The following FAM9B variants were observed in gnomAD, a reference collection of about 807,000 sequenced individuals.
FAM9B encodes protein FAM9B.
FAM9B carries 18 observed loss-of-function variants against 16.6 expected under a neutral mutation model. That is an observed-to-expected ratio of 1.09 (90% CI 0.75 to 1.61). The LOEUF (loss-of-function observed/expected upper bound fraction) is 1.61. FAM9B is among the 40% of genes most tolerant of loss of function. The pLI is 0.00. For missense variants in FAM9B, 155 were observed against 136.0 expected, an observed-to-expected ratio of 1.14 and a Z score of -0.70; for synonymous variants, 43 against 42.6, an observed-to-expected ratio of 1.01 and a Z score of -0.03.
At chrX:9,027,005 G>T (rs1005670166) in intron 7 of FAM9B, among the ~76,000 whole-genome samples, 5 of 111,474 alleles carry the variant, frequency 4.5e-5, no homozygotes, top group Admixed American at 2.9e-4. Context: ...CTTTTCCAAG[G>T]TTATTAAAAA....
chrX:9,026,514 GA>G (rs1224590134), intron 7 of FAM9B, among the ~76,000 whole-genome samples: 1 of 111,258 alleles, frequency 9.0e-6, no homozygotes, highest in Non-Finnish European at 1.9e-5. Context: ...TTTAGGAAGG[GA>G]AGGGTTTTAG....
rs767023855 is a variant in FAM9B, at chrX:9,029,432, T to A, written c.282-14A>T. On this transcript the variant is annotated splice_polypyrimidine_tract_variant and intron_variant, in intron 5 of 8. Transcript: ENST00000327220. ...TCACGTTTCTGCCTGTAACACATAA[T>A]AAGTAACACGGTCATACGTCATAGA... The A allele has an allele frequency of 4.6e-5, 50 of 1,087,239 alleles. No homozygotes were observed. Among genetic ancestry groups the A allele is most frequent in the Non-Finnish European group, 6.2e-5 (49 of 785,602 alleles). The allele number at this position is 1,087,239 out of a possible 1,213,427, so 89.6% of individuals were successfully genotyped here.
intron 6 of FAM9B, 142 bp from the exon 7 acceptor site, chrX:9,028,108 T>G: frequency 2.3e-6 from 1 of 442,468 alleles, no homozygotes; most frequent in Admixed American, 3.9e-5. Context: ...AGGACCAATT[T>G]TAAACAATTG....
At chrX:9,026,225 T>C (rs776665538) in intron 7 of FAM9B, among the ~76,000 whole-genome samples, 1 of 112,218 alleles carries the variant, frequency 8.9e-6, no homozygotes, top group South Asian at 3.7e-4. Flanking sequence ...CTCGGGCATG[T>C]AGCCAAAAAT....
chrX:9,032,532 T>G, intron 2 of FAM9B, 71 bp from the exon 3 acceptor site: 6 of 616,702 alleles, frequency 9.7e-6, no homozygotes, highest in Non-Finnish European at 1.4e-5. Flanking sequence ...TGTGGAGAAA[T>G]GTACTAGTTG....
At chrX:9,033,362 CT>C in intron 1 of FAM9B, 1 of 1,010,609 alleles carries the variant, frequency 9.9e-7, no homozygotes, top group Non-Finnish European at 1.3e-6. Flanking sequence ...TCTGAGTCAC[CT>C]AGCGACCCCA....
chrX:9,030,093 A>T (rs1443081927), intron 5 of FAM9B, 168 bp downstream of exon 5: 3 of 978,236 alleles, frequency 3.1e-6, no homozygotes, highest in Middle Eastern at 3.9e-4. Flanking sequence ...ATTCTGTTAA[A>T]CTGAGGTTAT....
chrX:9,029,154 T>C (rs1435785251), intron 6 of FAM9B, among the ~76,000 whole-genome samples, 153 bp downstream of exon 6: 4 of 111,954 alleles, frequency 3.6e-5, no homozygotes, highest in Non-Finnish European at 5.6e-5. Context: ...TAATGCTGCG[T>C]GGCAATTATA....
chrX:9,029,274 C>G, intron 6 of FAM9B, 33 bp downstream of exon 6: 1 of 1,053,880 alleles, frequency 9.5e-7, no homozygotes, highest in Non-Finnish European at 1.3e-6. Flanking sequence ...ACTGACATAA[C>G]AGGTTATACA....
In FAM9B at chrX:9,032,136, T is replaced by G. The variant is rs758386359; in HGVS notation, c.175A>C (p.Thr59Pro). 1 of 1,205,091 alleles carries G rather than the reference T, an allele frequency of 8.3e-7. No individual in the cohort carries two copies. The highest frequency in any genetic ancestry group is 1.8e-5 in the South Asian group (1 of 56,132). ...GATAACTCCTAAAACATACCTGCAG[T>G]ATCTTCTGGCTTCTTGGTATTAGCC... Reference protein sequence around the residue: ...TGANTKKPEDTAEDLTAKRKR... With the variant: ...TGANTKKPEDPAEDLTAKRKR... The change falls in exon 4 of 9, where the codon ACT (threonine) becomes CCT (proline). Residue 59 changes from threonine to proline, a missense_variant. Physicochemically the swap from Thr to Pro is conservative, Grantham distance 38 (BLOSUM62 -1). Coordinates refer to ENST00000327220, the MANE Select transcript of FAM9B (RefSeq NM_205849.3).
At chrX:9,033,708 C>T (rs1311896160) in intron 1 of FAM9B, 144 bp downstream of exon 1, 3 of 699,805 alleles carry the variant, frequency 4.3e-6, no homozygotes, top group Non-Finnish European at 5.0e-6. Flanking sequence ...CTAGCCCACC[C>T]TCAGGGCCTC....
rs1315122666 is a variant in FAM9B, at chrX:9,033,066, A to T, written c.-80T>A. On this transcript the variant is annotated 5_prime_UTR_variant, in exon 2 of 9. Transcript: ENST00000327220. ...TGGTTGTCCTGGGAAGCTAGAGGCGATCCCCGAACCTGGTGAGCGCAAAGA... is the reference window on the plus strand; with the variant it reads ...TGGTTGTCCTGGGAAGCTAGAGGCGTTCCCCGAACCTGGTGAGCGCAAAGA... The T allele has an allele frequency of 8.3e-7, 1 of 1,210,433 alleles. No individual in the cohort carries two copies. The highest frequency in any genetic ancestry group is 2.2e-5 in the Admixed American group (1 of 45,921).
At chrX:9,030,081 T>C in intron 5 of FAM9B, 180 bp downstream of exon 5, 3 of 921,730 alleles carry the variant, frequency 3.3e-6, no homozygotes, top group Non-Finnish European at 4.4e-6. Flanking sequence ...TAATATCTCT[T>C]AATTCTGTTA....
At chrX:9,030,640 C>G in intron 4 of FAM9B, 1 of 201,660 alleles carries the variant, frequency 5.0e-6, no homozygotes, top group Non-Finnish European at 9.0e-6. Context: ...TTAAAAGTCT[C>G]TATTTTTTAA....
intron 7 of FAM9B, among the ~76,000 whole-genome samples, chrX:9,026,064 C>A (rs778749818): frequency 1.8e-5 from 2 of 111,620 alleles, no homozygotes; most frequent in African/African-American, 6.5e-5. Flanking sequence ...AATAGTTCAA[C>A]AGTTCCTACT....
At chrX:9,028,056 T>G in intron 6 of FAM9B, 90 bp from the exon 7 acceptor site, 1 of 605,356 alleles carries the variant, frequency 1.7e-6, no homozygotes, top group Admixed American at 2.7e-5. Flanking sequence ...AGGAATACTG[T>G]TTAAATCAAT....
chrX:9,025,151 G>T lies in FAM9B; in HGVS notation c.*258C>A, dbSNP rs1310362298. 1.6e-5 allele frequency: 2 copies of T among 127,713 alleles called. No homozygotes were observed. Among genetic ancestry groups the T allele is most frequent in the East Asian group, 2.2e-4 (1 of 4,513 alleles). 10.5% of individuals were successfully genotyped at this position (127,713 alleles called of 1,213,427 possible). A position where few individuals can be genotyped will look rare whatever the true frequency, so the allele number is the denominator to read the frequency against. On this transcript the variant is annotated 3_prime_UTR_variant, in exon 9 of 9. Transcript: ENST00000327220. ...ATGCAATCCCTGCTTTCTCACAGAA[G>T]TGTCTAGGATTCATTCAACAGATCA...
chrX:9,032,079 T>A (rs1488654963), intron 4 of FAM9B, 51 bp downstream of exon 4: 9 of 1,125,623 alleles, frequency 8.0e-6, no homozygotes, highest in Non-Finnish European at 1.1e-5. Flanking sequence ...CTGCAACAGT[T>A]GTATGACTGA....
At position 9,029,415 on chromosome X, in the gene FAM9B, C is replaced by A. The variant is rs750996017; in HGVS notation, c.285G>T (p.Gln95His). The change falls in exon 6 of 9, where the codon CAG becomes CAT. Residue 95 changes from glutamine to histidine, a missense_variant. Gln to His is a conservative substitution (Grantham distance 24, BLOSUM62 0). Transcript: ENST00000327220. ...HALRKKQLKR[Q>H]KRDYIHSLKL... ...TCAGAGAATGTATATAATCACGTTT[C>A]TGCCTGTAACACATAATAAGTAACA... 2.6e-6 allele frequency: 3 copies of A among 1,164,190 alleles called. No homozygotes were observed. In the Admixed American group the frequency reaches 6.6e-5, roughly 25 times the overall value.
Sources: gnomAD v4.1 joint callset for allele counts (sites outside exome capture counted in the v4.1 genomes callset) on GRCh38, gnomAD v4.1.1 for gene constraint, MANE v1.5 for transcripts, NCBI Gene and HGNC (gene_info 2026-07-23, HGNC 2026-07-21) for gene names.